Variants in PLXNC1 observed in about 807,000 individuals in gnomAD.
PLXNC1 encodes the protein plexin C1.
PLXNC1 carries 75 observed loss-of-function variants against 178.2 expected under a neutral mutation model. The ratio of observed to expected loss-of-function variants is 0.42; its 90% CI spans 0.35 to 0.51. The LOEUF (loss-of-function observed/expected upper bound fraction) is 0.51, where lower values mean the gene tolerates loss of function less well. PLXNC1 is among the 20% of genes least tolerant of loss of function. The pLI is 0.02. For synonymous variants in PLXNC1, 790 were observed against 779.9 expected, an observed-to-expected ratio of 1.01 and a Z score of -0.22; for missense variants, 1,503 against 1,984.4, an observed-to-expected ratio of 0.76 and a Z score of 4.61.
chr12:94,159,659 A>T (rs1260310072), intron 1 of PLXNC1, among the ~76,000 whole-genome samples: 1 of 152,142 alleles, frequency 6.6e-6, no homozygotes, highest in African/African-American at 2.4e-5. Flanking sequence ...AATGGGAAGG[A>T]GATTAGATTT....
chr12:94,232,825 C>A (rs990775428), intron 9 of PLXNC1, among the ~76,000 whole-genome samples: 1 of 152,264 alleles, frequency 6.6e-6, no homozygotes, highest in East Asian at 1.9e-4. Flanking sequence ...CACAATGGAC[C>A]TATTTTCCCC....
At chr12:94,212,909 T>C (rs538582703) in intron 5 of PLXNC1, among the ~76,000 whole-genome samples, 36 of 152,058 alleles carry the variant, frequency 2.4e-4, no homozygotes, top group Admixed American at 7.9e-4. Flanking sequence ...TTAGTAGAGA[T>C]GGGGTTTCAC....
intron 21 of PLXNC1, chr12:94,272,004 A>G (rs1440720662): frequency 6.6e-6 from 1 of 151,320 alleles, no homozygotes; most frequent in Non-Finnish European, 1.5e-5. Flanking sequence ...CATTGGGCAG[A>G]TGTGAACAGG....
rs77921729 is a variant in PLXNC1 at position 94,284,503 on chromosome 12, T to C, written c.3879+2102T>C. 8.2e-3 allele frequency among the ~76,000 whole-genome samples: 1,251 copies of C among 152,184 alleles called. 10 individuals carry two copies. Among genetic ancestry groups the C allele is most frequent in the African/African-American group, 0.027 (1,104 of 41,486 alleles). On this transcript the variant is annotated intron_variant, in intron 23 of 30. Coordinates refer to ENST00000258526, the MANE Select transcript of PLXNC1 (RefSeq NM_005761.3). ...CATCTGAAAGGTTTGTTTCAGATGT[T>C]TTTCACTGTTCACCTTTCAGATGTC...
chr12:94,187,398 A>G (rs752975288), intron 4 of PLXNC1, among the ~76,000 whole-genome samples: 2 of 152,122 alleles, frequency 1.3e-5, no homozygotes, highest in Non-Finnish European at 2.9e-5. Flanking sequence ...AATGCAATAC[A>G]AGCAAGAGGT....
At chr12:94,295,313 G>T (rs1180520514) in intron 24 of PLXNC1, among the ~76,000 whole-genome samples, 3 of 152,214 alleles carry the variant, frequency 2.0e-5, no homozygotes, top group African/African-American at 7.2e-5. Context: ...GGATAATTGG[G>T]TAGGACTCCT....
chr12:94,182,659 A>G (rs1962354269), intron 3 of PLXNC1, among the ~76,000 whole-genome samples: 1 of 151,800 alleles, frequency 6.6e-6, no homozygotes, highest in Admixed American at 6.6e-5. Flanking sequence ...CAGGAGGTGG[A>G]GTTTGCAGTG....
chr12:94,190,037 GAGA>G (rs1315676218), intron 4 of PLXNC1, among the ~76,000 whole-genome samples: 1 of 152,128 alleles, frequency 6.6e-6, no homozygotes, highest in Non-Finnish European at 1.5e-5. Flanking sequence ...GTTGGAAAGA[GAGA>G]AGAAGGATCT....
intron 12 of PLXNC1, among the ~76,000 whole-genome samples, chr12:94,245,297 C>T (rs1028583377): frequency 2.0e-5 from 3 of 152,210 alleles, no homozygotes; most frequent in Non-Finnish European, 2.9e-5. Context: ...GCACCTACTG[C>T]AGGCAAAACA....
At chr12:94,255,967 C>T (rs1042607406) in intron 17 of PLXNC1, 1 of 152,348 alleles carries the variant, frequency 6.6e-6, no homozygotes. Flanking sequence ...CTCACGCCTC[C>T]ATTTTCTCAC....
At chr12:94,216,612 G>C (rs1963653028) in intron 5 of PLXNC1, among the ~76,000 whole-genome samples, 1 of 152,230 alleles carries the variant, frequency 6.6e-6, no homozygotes, top group Non-Finnish European at 1.5e-5. Context: ...TCCGTTTGAA[G>C]CATTAATTTC....
At chr12:94,150,757 C>T (rs1960931710) in intron 1 of PLXNC1, 1 of 152,366 alleles carries the variant, frequency 6.6e-6, no homozygotes, top group East Asian at 1.9e-4. Context: ...AAAGCCTCAT[C>T]CTAGAGGGGA....
At chr12:94,155,077 T>A (rs541662316) in intron 1 of PLXNC1, among the ~76,000 whole-genome samples, 37 of 152,206 alleles carry the variant, frequency 2.4e-4, no homozygotes, top group Non-Finnish European at 4.6e-4. Flanking sequence ...TTAGGTTACA[T>A]GGTGTCCTTT....
At chr12:94,294,407 C>T in intron 23 of PLXNC1, 79 bp from the exon 24 acceptor site, 2 of 663,462 alleles carry the variant, frequency 3.0e-6, no homozygotes, top group Admixed American at 4.7e-5. Context: ...TAAGATCCAT[C>T]CAGCCATCTA....
At chr12:94,198,576 A>G (rs1437883846) in intron 4 of PLXNC1, among the ~76,000 whole-genome samples, 2 of 152,184 alleles carry the variant, frequency 1.3e-5, no homozygotes, top group Non-Finnish European at 2.9e-5. Flanking sequence ...CAAGGCTGCC[A>G]TAACAAATTA....
intron 5 of PLXNC1, among the ~76,000 whole-genome samples, chr12:94,211,117 G>T (rs10507032): frequency 6.6e-6 from 1 of 152,026 alleles, no homozygotes; most frequent in Non-Finnish European, 1.5e-5. Flanking sequence ...CTAGCTAGGG[G>T]CTCACTATTA....
chr12:94,251,504 G>A lies in PLXNC1; in HGVS notation c.2857G>A (p.Val953Ile). ...ATGGTATTTTCTGATTGTGCTCCCT[G>A]TCTTGCTAGTGATTGTCATTTTTGG... ...STWYFLIVLPVLLVIVIFAAV... is the reference protein window; with the variant it reads ...STWYFLIVLPILLVIVIFAAV... Residue 953 changes from valine to isoleucine, a missense_variant, in exon 15 of 31, where the codon GTC (valine) becomes ATC (isoleucine). By Grantham distance (29) the Val-to-Ile change is conservative. Around this residue, in one of 4 missense-constraint regions of PLXNC1, gnomAD observed 639 missense variants for 979.7 expected, o/e 0.65. Transcript: ENST00000258526. 2 of 1,609,976 alleles carry A rather than the reference G, an allele frequency of 1.2e-6. No homozygotes were observed. Among genetic ancestry groups the A allele is most frequent in the Non-Finnish European group, 1.7e-6 (2 of 1,176,196 alleles).
intron 5 of PLXNC1, among the ~76,000 whole-genome samples, chr12:94,219,445 T>C (rs1472543782): frequency 2.0e-5 from 3 of 152,224 alleles, no homozygotes; most frequent in African/African-American, 7.2e-5. Context: ...GGATTAAAGA[T>C]ATAAGCTTAA....
chr12:94,251,456 G>A lies in PLXNC1; in HGVS notation c.2809G>A (p.Glu937Lys), dbSNP rs765526753. 3.0e-5 allele frequency: 48 copies of A among 1,613,282 alleles called. No homozygotes were observed. Among genetic ancestry groups the A allele is most frequent in the Non-Finnish European group, 3.8e-5 (45 of 1,179,202 alleles). Residue 937 changes from glutamate to lysine, a missense_variant, in exon 15 of 31, where the codon GAG (glutamate) becomes AAG (lysine). This residue lies in a region of PLXNC1 where 639 missense variants were observed against 979.7 expected (regional missense o/e 0.65). Transcript: ENST00000258526. ...GCTGGGAAACCTGGAGCTCTACGTC[G>A]AGCAGGAGTCAGTTCCTTCCACATG... ...VKLGNLELYV[E>K]QESVPSTWYF...
Sources: gnomAD v4.1 joint callset for allele counts (sites outside exome capture counted in the v4.1 genomes callset) on GRCh38, gnomAD v4.1.1 for gene constraint, gnomAD v4.1.1 regional missense constraint, MANE v1.5 for transcripts, NCBI Gene and HGNC (gene_info 2026-07-23, HGNC 2026-07-21) for gene names.